Variants in ADAMTSL1 observed in about 807,000 individuals in gnomAD.
ADAMTSL1 encodes ADAMTS like 1.
In ADAMTSL1, 126 loss-of-function variants were observed where a neutral mutation model predicts 201.8. That is an observed-to-expected ratio of 0.62 (90% CI 0.54 to 0.72). ADAMTSL1 has a LOEUF of 0.72. Ranked by LOEUF, ADAMTSL1 falls within the 30% of genes least tolerant of loss-of-function variation. The pLI is 0.00. For missense variants in ADAMTSL1, 2,679 were observed against 2,277.8 expected (o/e 1.18, Z -3.59); for synonymous variants, 1,121 against 903.4 (o/e 1.24, Z -4.32).
chr9:18,678,854 G>T (rs1461515567), intron 10 of ADAMTSL1, among the ~76,000 whole-genome samples: 1 of 152,048 alleles, frequency 6.6e-6, no homozygotes, highest in Non-Finnish European at 1.5e-5. Flanking sequence ...AAGGAGAATT[G>T]GTCTTACCCA....
intron 2 of ADAMTSL1, among the ~76,000 whole-genome samples, chr9:18,230,107 T>G (rs965827179): frequency 1.3e-5 from 2 of 152,104 alleles, no homozygotes; most frequent in African/African-American, 2.4e-5. Context: ...CATTGCCTGG[T>G]GAAAACAAAC....
At chr9:18,250,461 G>A (rs17199255) in intron 2 of ADAMTSL1, among the ~76,000 whole-genome samples, 9,974 of 152,274 alleles carry the variant, frequency 0.066, 339 homozygotes, top group Middle Eastern at 0.099. Context: ...GGTTGCCCTG[G>A]TTCCTGGTGA....
chr9:18,859,984 G>A (rs141417739), intron 23 of ADAMTSL1, among the ~76,000 whole-genome samples: 10 of 152,078 alleles, frequency 6.6e-5, no homozygotes, highest in Non-Finnish European at 1.0e-4. Flanking sequence ...CAAGAAAATT[G>A]TCCAAGATTT....
intron 2 of ADAMTSL1, among the ~76,000 whole-genome samples, chr9:18,383,392 C>G (rs1425384258): frequency 6.6e-6 from 1 of 152,012 alleles, no homozygotes; most frequent in Admixed American, 6.6e-5. Flanking sequence ...GTGTTTAAGG[C>G]CTTTCATTTG....
At chr9:18,174,771 T>A (rs1210422259) in intron 2 of ADAMTSL1, among the ~76,000 whole-genome samples, 1 of 152,208 alleles carries the variant, frequency 6.6e-6, no homozygotes, top group Non-Finnish European at 1.5e-5. Context: ...ATGTTCATTT[T>A]AAAATTTGTA....
At chr9:18,283,930 A>AAAAAAAAAAAAAAC (rs1832893502) in intron 2 of ADAMTSL1, among the ~76,000 whole-genome samples, 1 of 92,610 alleles carries the variant, frequency 1.1e-5, no homozygotes, top group Non-Finnish European at 2.1e-5. Context: ...AAAAAAAAAA[A>AAAAAAAAAAAAAAC]GAAGAAGAAG....
At chr9:18,311,192 T>G (rs1490106268) in intron 2 of ADAMTSL1, among the ~76,000 whole-genome samples, 2 of 151,108 alleles carry the variant, frequency 1.3e-5, no homozygotes, top group Non-Finnish European at 2.9e-5. Context: ...CATCACATAC[T>G]GAGGCCTGTC....
At chr9:18,649,822 C>T (rs899542806) in intron 7 of ADAMTSL1, among the ~76,000 whole-genome samples, 2 of 152,140 alleles carry the variant, frequency 1.3e-5, no homozygotes, top group African/African-American at 2.4e-5. Context: ...CCCAGTTAGG[C>T]TTCTTGGGGG....
chr9:18,102,587 C>G (rs1199255561), intron 1 of ADAMTSL1, among the ~76,000 whole-genome samples: 1 of 152,068 alleles, frequency 6.6e-6, no homozygotes, highest in Non-Finnish European at 1.5e-5. Context: ...AAGATTTTGA[C>G]CAGCAAGATG....
intron 2 of ADAMTSL1, among the ~76,000 whole-genome samples, chr9:18,417,496 TA>T (rs1438536282): frequency 6.6e-6 from 1 of 151,274 alleles, no homozygotes; most frequent in African/African-American, 2.4e-5. Flanking sequence ...GATAAACATT[TA>T]AAAAGATCAA....
intron 2 of ADAMTSL1, among the ~76,000 whole-genome samples, chr9:18,517,705 G>A (rs1818447273): frequency 6.6e-6 from 1 of 152,116 alleles, no homozygotes; most frequent in Admixed American, 6.5e-5. Context: ...TACTGAGAAT[G>A]ATGATTTCCA....
At chr9:18,181,145 T>C (rs1406205991) in intron 2 of ADAMTSL1, among the ~76,000 whole-genome samples, 5 of 152,282 alleles carry the variant, frequency 3.3e-5, no homozygotes, top group South Asian at 4.1e-4. Context: ...TCAAGATGGA[T>C]TAAAGACTTA....
chr9:18,526,186 C>G (rs1412122717), intron 2 of ADAMTSL1, among the ~76,000 whole-genome samples: 2 of 152,178 alleles, frequency 1.3e-5, no homozygotes, highest in Non-Finnish European at 2.9e-5. Context: ...GATCCCTTTA[C>G]CATTATGTAA....
Position 18,463,450 on chromosome 9 carries a change from T to A in ADAMTSL1, c.208-41379T>A, listed in dbSNP as rs1820883584. 5.3e-5 allele frequency among the ~76,000 whole-genome samples: 8 copies of A among 152,190 alleles called. No homozygotes were observed. The South Asian group carries it at 1.7e-3, about 31-fold the overall frequency. ...TATAGTACTGTGGCATTAAGTATAT[T>A]CACATTATTGTGCAGCCATCATCTC... On this transcript the variant is annotated intron_variant, in intron 2 of 29. Coordinates refer to the ADAMTSL1 transcript ENST00000680146.
Position 18,906,931 on chromosome 9 carries a change from G to T in ADAMTSL1, c.5182+19G>T, listed in dbSNP as rs759268098. On this transcript the variant is annotated intron_variant, in intron 28 of 28. Coordinates refer to ENST00000380548, the MANE Select transcript of ADAMTSL1 (RefSeq NM_001040272.6). ...GAAAACAGTATGTTCCAACCCCAAA[G>T]AACCTTCTGCAAATTCCCCATAGAG... 1 of 1,613,510 alleles carries T rather than the reference G, an allele frequency of 6.2e-7. No individual in the cohort carries two copies. The highest frequency in any genetic ancestry group is 1.3e-5 in the African/African-American group (1 of 75,054).
intron 23 of ADAMTSL1, among the ~76,000 whole-genome samples, chr9:18,886,579 AGCC>A (rs1218104904): frequency 6.6e-6 from 1 of 152,196 alleles, no homozygotes; most frequent in Non-Finnish European, 1.5e-5. Context: ...AGATCAGTGC[AGCC>A]GCAGATTTGA....
chr9:18,666,950 C>CTT lies in ADAMTSL1; in HGVS notation c.1085+4893_1085+4894dup, dbSNP rs35220169. Among the ~76,000 whole-genome samples, 292 of 128,958 alleles carry CTT rather than the reference C, an allele frequency of 2.3e-3. 1 individual carries two copies. Among genetic ancestry groups the CTT allele is most frequent in the African/African-American group, 6.3e-3 (225 of 35,518 alleles). 84.6% of individuals were successfully genotyped at this position (128,958 alleles called of 152,430 possible). ...TCAGAGAACCACCTTTGCAGATTTT[C>CTT]TTTTTTTTTTTTTTTTTGGCACAGA... is the stretch of plus-strand genomic sequence containing the variant. On this transcript the variant is annotated intron_variant, in intron 9 of 28. Transcript: ENST00000380548.
At chr9:18,072,995 G>A (rs1023929597) in intron 1 of ADAMTSL1, among the ~76,000 whole-genome samples, 1 of 152,142 alleles carries the variant, frequency 6.6e-6, no homozygotes, top group Admixed American at 6.5e-5. Context: ...TTTAGGAAGC[G>A]AGACAACGAA....
intron 2 of ADAMTSL1, among the ~76,000 whole-genome samples, chr9:18,274,239 A>G (rs1017144191): frequency 2.0e-5 from 3 of 152,246 alleles, no homozygotes; most frequent in African/African-American, 7.2e-5. Context: ...TATTTGATGC[A>G]TTCGTAAAAA....
Sources: gnomAD v4.1 joint callset for allele counts (sites outside exome capture counted in the v4.1 genomes callset) on GRCh38, gnomAD v4.1.1 for gene constraint, MANE v1.5 for transcripts, NCBI Gene and HGNC (gene_info 2026-07-23, HGNC 2026-07-21) for gene names.